The following EFHB variants were observed in gnomAD, a reference collection of about 807,000 sequenced individuals.
EFHB encodes EF-hand domain-containing family member B.
Under a neutral mutation model 87.2 loss-of-function variants are expected in EFHB, and 91 were observed. The observed-to-expected ratio is 1.04, with a 90% CI of 0.88 to 1.24. The LOEUF is 1.24. EFHB is among the 50% of genes most tolerant of loss of function. The pLI, the probability that EFHB is intolerant of heterozygous loss-of-function variation, is 0.00. For synonymous variants in EFHB, 325 were observed against 333.6 expected (o/e 0.97, Z 0.28); for missense variants, 1,084 against 998.8 (o/e 1.09, Z -1.15).
Position 19,934,149 on chromosome 3 carries a change from C to T in EFHB, c.-131G>A, listed in dbSNP as rs938805263. ...AGGAAAGAGCACAACCTCACTCGGA[C>T]TCCCTGTCCATTGCTTCCTGCCTGC... On this transcript the variant is annotated 5_prime_UTR_variant, in exon 1 of 13. Transcript: ENST00000295824. 4.8e-6 allele frequency: 7 copies of T among 1,448,204 alleles called. No homozygotes were observed. Among genetic ancestry groups the T allele is most frequent in the African/African-American group, 1.4e-5 (1 of 69,978 alleles). 89.7% of individuals were successfully genotyped at this position (1,448,204 alleles called of 1,614,324 possible). A position where few individuals can be genotyped will look rare whatever the true frequency, so the allele number is the denominator to read the frequency against.
chr3:19,879,795 T>A lies in EFHB; in HGVS notation c.2338A>T (p.Ile780Leu), dbSNP rs1240833172. Reference protein sequence around the residue: ...KTRSKEEIAEILCNIGVKLSD... With the variant: ...KTRSKEEIAELLCNIGVKLSD... ...AGTTTGACACCAATGTTACACAATA[T>A]CTCTGCAATCTAGAAAAAGGCATTT... Residue 780 changes from isoleucine to leucine, a missense_variant, in exon 13 of 13, where the codon ATA becomes TTA. Ile to Leu is a conservative substitution (Grantham distance 5). Coordinates refer to ENST00000295824, the MANE Select transcript of EFHB (RefSeq NM_144715.4). 1.3e-6 allele frequency: 2 copies of A among 1,583,550 alleles called. No homozygotes were observed. Among genetic ancestry groups the A allele is most frequent in the Non-Finnish European group, 1.7e-6 (2 of 1,168,948 alleles).
At chr3:19,900,890 C>T (rs188664371) in intron 6 of EFHB, among the ~76,000 whole-genome samples, 75 of 149,540 alleles carry the variant, frequency 5.0e-4, no homozygotes, top group African/African-American at 1.7e-3. Context: ...GATCATGCCA[C>T]GGCACCCCAG....
rs749180408 is a variant in EFHB, at chr3:19,896,862, T to A, written c.1571-21A>T. On this transcript the variant is annotated intron_variant, in intron 8 of 12. Transcript: ENST00000295824. ...AACTCCTATTGAAGAGAGAAAAAAC[T>A]TTTTACATAAATTTAAAGTCTTTCT... 1.7e-5 allele frequency: 26 copies of A among 1,558,050 alleles called. 1 individual carries two copies. In the South Asian group the frequency reaches 2.7e-4, roughly 16 times the overall value.
chr3:19,944,689 A>G (rs1167789993), intron 1 of EFHB, among the ~76,000 whole-genome samples: 2 of 152,248 alleles, frequency 1.3e-5, no homozygotes, highest in East Asian at 3.8e-4. Context: ...AAATCACTAA[A>G]CAGGAACGAG....
intron 1 of EFHB, among the ~76,000 whole-genome samples, chr3:19,927,343 C>T (rs996427536): frequency 1.3e-5 from 2 of 152,180 alleles, no homozygotes; most frequent in Admixed American, 6.5e-5. Flanking sequence ...CACAGAGGAC[C>T]TCCTTTCACA....
At chr3:19,898,299 T>C (rs1242097792) in intron 8 of EFHB, among the ~76,000 whole-genome samples, 1 of 152,224 alleles carries the variant, frequency 6.6e-6, no homozygotes. Flanking sequence ...TATTTGAATG[T>C]GCTTAAAATT....
At chr3:19,913,056 TAATAATA>T (rs1275941408) in intron 5 of EFHB, among the ~76,000 whole-genome samples, 1 of 152,162 alleles carries the variant, frequency 6.6e-6, no homozygotes, top group Non-Finnish European at 1.5e-5. Flanking sequence ...CTAATGCCTG[TAATAATA>T]AAAACCCTCA....
chr3:19,882,567 T>C lies in EFHB; in HGVS notation c.2311A>G (p.Thr771Ala). ...KGVFERDFFK[T>A]RSKEEIAEIL... is the part of the protein sequence containing the mutation. Reference sequence around the variant, plus strand: ...TGCTATACCTCTTCTTTTGATCTGGTCTTGAAGAAGTCTCTTTCAAACACT... The same window carrying C: ...TGCTATACCTCTTCTTTTGATCTGGCCTTGAAGAAGTCTCTTTCAAACACT... The change falls in exon 12 of 13, where the codon ACC becomes GCC. Residue 771 changes from threonine to alanine, a missense_variant. Thr to Ala is a moderately conservative substitution (Grantham distance 58). Transcript: ENST00000295824. The C allele has an allele frequency of 6.2e-7, 1 of 1,607,132 alleles. No individual in the cohort carries two copies. Among genetic ancestry groups the C allele is most frequent in the Admixed American group, 1.7e-5 (1 of 59,472 alleles).
upstream of EFHB, among the ~76,000 whole-genome samples, chr3:19,938,078 T>C (rs1487537215): frequency 1.3e-5 from 2 of 152,190 alleles, no homozygotes; most frequent in African/African-American, 4.8e-5. Context: ...CTTCCCTAGT[T>C]ACCTGCCTCC....
chr3:19,918,337 G>C lies in EFHB; in HGVS notation c.1072C>G (p.Leu358Val). ...CCTAATGGTGCTCGTCGATTGCTAA[G>C]ATATATAGATTCTTTTTTATCTTTA... ...KIKDKKESIY[L>V]SNRRAPLGKS... The change falls in exon 4 of 13, where the codon CTT becomes GTT. Residue 358 changes from leucine (L) to valine (V), a missense_variant. Transcript: ENST00000295824. 6.2e-7 allele frequency: 1 copy of C among 1,612,254 alleles called. No homozygotes were observed. Among genetic ancestry groups the C allele is most frequent in the Non-Finnish European group, 8.5e-7 (1 of 1,179,312 alleles).
chr3:19,890,282 A>C (rs1439544246), intron 9 of EFHB, among the ~76,000 whole-genome samples: 1 of 152,108 alleles, frequency 6.6e-6, no homozygotes, highest in African/African-American at 2.4e-5. Flanking sequence ...CCCTCCCCCA[A>C]GCCCTGATCT....
At chr3:19,898,108 T>C (rs1694546361) in intron 8 of EFHB, among the ~76,000 whole-genome samples, 1 of 152,208 alleles carries the variant, frequency 6.6e-6, no homozygotes, top group Non-Finnish European at 1.5e-5. Context: ...TGATAAGCTG[T>C]AGCATATTTT....
At chr3:19,883,565 T>C (rs1212140019) in intron 11 of EFHB, among the ~76,000 whole-genome samples, 2 of 152,190 alleles carry the variant, frequency 1.3e-5, no homozygotes, top group African/African-American at 2.4e-5. Context: ...ATAGGTTGAA[T>C]TGTCTCCTCC....
chr3:19,944,397 T>C (rs1696225390), intron 1 of EFHB, among the ~76,000 whole-genome samples: 1 of 152,226 alleles, frequency 6.6e-6, no homozygotes, highest in African/African-American at 2.4e-5. Flanking sequence ...ATCCATTTTG[T>C]ACCTTCCTTA....
chr3:19,942,959 T>C, intron 1 of EFHB: 1 of 231,786 alleles, frequency 4.3e-6, no homozygotes, highest in East Asian at 1.3e-4. Flanking sequence ...GAGGACACCT[T>C]TCTGGACAGA....
chr3:19,930,211 A>G (rs961561474), intron 1 of EFHB, among the ~76,000 whole-genome samples: 6 of 152,216 alleles, frequency 3.9e-5, no homozygotes, highest in African/African-American at 1.4e-4. Context: ...ATTTTCTATA[A>G]TGTTATTATT....
chr3:19,883,948 T>A (rs1185355134), intron 11 of EFHB, among the ~76,000 whole-genome samples: 1 of 152,144 alleles, frequency 6.6e-6, no homozygotes, highest in Non-Finnish European at 1.5e-5. Context: ...ACAATAAAAT[T>A]CTATTAAGAC....
At chr3:19,908,562 AAGAGAGAGAGAGAGAGAGAGAG>A (rs71624361) in intron 5 of EFHB, among the ~76,000 whole-genome samples, 58 of 83,900 alleles carry the variant, frequency 6.9e-4, no homozygotes, top group Middle Eastern at 0.012. Context: ...GAAAGAGAGA[AAGAGAGAGAGAGAGAGAGAGAG>A]AGAGAGAGAG....
intron 6 of EFHB, among the ~76,000 whole-genome samples, chr3:19,901,453 C>T (rs952658215): frequency 6.6e-6 from 1 of 152,164 alleles, no homozygotes; most frequent in Non-Finnish European, 1.5e-5. Context: ...AAAGTATCTC[C>T]TGTACTATTG....
Sources: allele counts gnomAD v4.1 joint callset (sites outside exome capture counted in the v4.1 genomes callset), GRCh38; gene constraint gnomAD v4.1.1; transcripts MANE v1.5; gene names NCBI Gene and HGNC (gene_info 2026-07-23, HGNC 2026-07-21).